The following UTP18 variants were observed in gnomAD, a reference collection of about 807,000 sequenced individuals.
UTP18 encodes UTP18 small subunit processome component, also known as U3 small nucleolar RNA-associated protein 18 homolog.
Under a neutral mutation model 61.1 loss-of-function variants are expected in UTP18, and 36 were observed. That is an observed-to-expected ratio of 0.59 (90% confidence interval 0.45 to 0.78). UTP18 has a LOEUF of 0.78. Ranked by LOEUF, UTP18 falls within the 30% of genes least tolerant of loss-of-function variation. The probability of loss-of-function intolerance (pLI) is 0.00; values close to 1 mark genes in which losing one functional copy is unlikely to be tolerated. For missense variants in UTP18, 753 were observed against 693.9 expected (o/e 1.09, Z -0.96); for synonymous variants, 282 against 251.1 (o/e 1.12, Z -1.16).
At chr17:51,272,155 G>A (rs1246276735) in intron 4 of UTP18, among the ~76,000 whole-genome samples, 1 of 151,998 alleles carries the variant, frequency 6.6e-6, no homozygotes, top group Non-Finnish European at 1.5e-5. Flanking sequence ...CTGGAGTGCA[G>A]TGGCGCAATC....
intron 4 of UTP18, 37 bp downstream of exon 4, chr17:51,268,941 G>A (rs1464551853): frequency 6.3e-7 from 1 of 1,585,886 alleles, no homozygotes; most frequent in African/African-American, 1.3e-5. Flanking sequence ...TAGTACATAA[G>A]TCCCTGTTCC....
intron 9 of UTP18, among the ~76,000 whole-genome samples, chr17:51,284,807 T>G (rs1029624971): frequency 8.5e-5 from 13 of 152,160 alleles, no homozygotes; most frequent in Admixed American, 5.9e-4. Context: ...ACACCTGTAA[T>G]CCCAGCAGTT....
chr17:51,283,208 G>T (rs1217666896), intron 9 of UTP18, among the ~76,000 whole-genome samples: 1 of 148,036 alleles, frequency 6.8e-6, no homozygotes, highest in Non-Finnish European at 1.5e-5. Context: ...TTGTTGTGTT[G>T]CCCAGGCTGG....
intron 13 of UTP18, among the ~76,000 whole-genome samples, chr17:51,297,332 G>A (rs1361048766): frequency 6.6e-6 from 1 of 152,182 alleles, no homozygotes; most frequent in East Asian, 1.9e-4. Context: ...TTCAGATATA[G>A]CTATAGCTTG....
At chr17:51,277,336 C>A in intron 7 of UTP18, 32 bp downstream of exon 7, 2 of 1,608,542 alleles carry the variant, frequency 1.2e-6, no homozygotes, top group South Asian at 2.2e-5. Context: ...CACAACCAGT[C>A]ATTCCCCCCA....
intron 12 of UTP18, among the ~76,000 whole-genome samples, chr17:51,295,967 A>G (rs755366867): frequency 2.6e-5 from 4 of 152,204 alleles, no homozygotes; most frequent in Non-Finnish European, 4.4e-5. Flanking sequence ...TGATTTAATA[A>G]TTCAGTTTAC....
chr17:51,274,522 A>G (rs1396421432), intron 5 of UTP18, among the ~76,000 whole-genome samples: 1 of 151,632 alleles, frequency 6.6e-6, no homozygotes, highest in Non-Finnish European at 1.5e-5. Context: ...GCTCACTGCA[A>G]CCTCCGCCTC....
At chr17:51,292,776 C>T (rs1905268166) in intron 11 of UTP18, among the ~76,000 whole-genome samples, 1 of 152,174 alleles carries the variant, frequency 6.6e-6, no homozygotes, top group African/African-American at 2.4e-5. Context: ...CTCAACTCTC[C>T]TGAACTTAGG....
intron 3 of UTP18, among the ~76,000 whole-genome samples, chr17:51,268,547 G>A (rs993166579): frequency 1.3e-5 from 2 of 152,178 alleles, no homozygotes; most frequent in African/African-American, 4.8e-5. Context: ...GGGATGTGTT[G>A]ATATGAACAA....
At chr17:51,280,147 A>G in intron 8 of UTP18, 42 bp downstream of exon 8, 2 of 1,563,158 alleles carry the variant, frequency 1.3e-6, no homozygotes, top group East Asian at 2.2e-5. Flanking sequence ...CCCACAAGAC[A>G]CTAGTGTAGG....
chr17:51,284,608 G>T (rs1321833501), intron 9 of UTP18, among the ~76,000 whole-genome samples: 3 of 152,078 alleles, frequency 2.0e-5, no homozygotes, highest in Non-Finnish European at 4.4e-5. Flanking sequence ...TTTTGCTTCA[G>T]ATTTTTGCTT....
intron 11 of UTP18, 101 bp downstream of exon 11, chr17:51,288,304 A>AGTG: frequency 8.3e-7 from 1 of 1,205,550 alleles, no homozygotes; most frequent in South Asian, 1.7e-5. Flanking sequence ...TTTTTAAAAC[A>AGTG]GTGGCTTCTT....
At chr17:51,288,402 T>C in intron 11 of UTP18, 199 bp downstream of exon 11, 1 of 544,926 alleles carries the variant, frequency 1.8e-6, no homozygotes, top group South Asian at 2.0e-5. Context: ...ATGTCACTTC[T>C]TTCAGTAAAG....
intron 2 of UTP18, among the ~76,000 whole-genome samples, chr17:51,264,537 G>C (rs114867309): frequency 3.3e-5 from 5 of 151,974 alleles, no homozygotes; most frequent in African/African-American, 1.2e-4. Flanking sequence ...GGCTCTACCA[G>C]TTTGCCTTCC....
At chr17:51,278,760 TTAGTCAGTA>T (rs1247347763) in intron 7 of UTP18, among the ~76,000 whole-genome samples, 2 of 152,242 alleles carry the variant, frequency 1.3e-5, no homozygotes, top group Non-Finnish European at 2.9e-5. Context: ...TCAGTATACT[TTAGTCAGTA>T]CATACGGTTT....
chr17:51,295,652 CT>C (rs1272985883), intron 12 of UTP18, among the ~76,000 whole-genome samples: 3 of 152,138 alleles, frequency 2.0e-5, no homozygotes, highest in Non-Finnish European at 2.9e-5. Flanking sequence ...CAGCTTTGTT[CT>C]TTTGGCTTAG....
At chr17:51,289,237 C>T (rs1597853644) in intron 11 of UTP18, among the ~76,000 whole-genome samples, 1 of 150,908 alleles carries the variant, frequency 6.6e-6, no homozygotes, top group Non-Finnish European at 1.5e-5. Flanking sequence ...CACTCTGTTG[C>T]CCAGGCTGGA....
intron 3 of UTP18, among the ~76,000 whole-genome samples, chr17:51,267,146 T>C (rs1418377113): frequency 3.3e-5 from 5 of 152,138 alleles, no homozygotes; most frequent in Non-Finnish European, 7.3e-5. Context: ...TATTTTTTTG[T>C]AGAGATGAGG....
In UTP18 at chr17:51,285,358, G is replaced by C. The variant is rs188345480; in HGVS notation, c.1318G>C (p.Val440Leu). The C allele has an allele frequency of 3.1e-6, 5 of 1,613,002 alleles. No individual in the cohort carries two copies. In the Admixed American group the frequency reaches 6.7e-5, roughly 22 times the overall value. The change falls in exon 10 of 14, where the codon GTT becomes CTT. Residue 440 changes from valine (V) to leucine (L), a missense_variant. Coordinates refer to ENST00000225298, the MANE Select transcript of UTP18 (RefSeq NM_016001.3). ...TGCCACATCTAGGAATGGACAGTAT[G>C]TTGCTTGTGGGTAAGTAAAGAGAGG... ...SIATSRNGQYVACGSNCGVVN... is the reference protein window; with the variant it reads ...SIATSRNGQYLACGSNCGVVN...
Sources: allele counts gnomAD v4.1 joint callset (sites outside exome capture counted in the v4.1 genomes callset), GRCh38; gene constraint gnomAD v4.1.1; transcripts MANE v1.5; gene names NCBI Gene and HGNC (gene_info 2026-07-23, HGNC 2026-07-21).